UBE2E2: variants seen among roughly 807,000 people sequenced by gnomAD.
The protein encoded by UBE2E2 is ubiquitin conjugating enzyme E2 E2, also known as ubiquitin-conjugating enzyme E2 E2.
In UBE2E2, 6 loss-of-function variants were observed where a neutral mutation model predicts 24.7. The ratio of observed to expected loss-of-function variants is 0.24; its 90% CI spans 0.13 to 0.48. The LOEUF (loss-of-function observed/expected upper bound fraction) is 0.48. Ranked by LOEUF, UBE2E2 falls within the 20% of genes least tolerant of loss-of-function variation. The pLI is 0.99. For synonymous variants in UBE2E2, 104 were observed against 83.6 expected, an observed-to-expected ratio of 1.24 and a Z score of -1.33; for missense variants, 169 against 245.0, an observed-to-expected ratio of 0.69 and a Z score of 2.07.
intron 3 of UBE2E2, among the ~76,000 whole-genome samples, chr3:23,466,678 C>T (rs532514618): frequency 4.6e-4 from 70 of 152,224 alleles, no homozygotes; most frequent in Non-Finnish European, 8.4e-4. Context: ...AGCGATTCTC[C>T]TGCCTCAGCC....
chr3:23,531,546 G>A (rs1695123169), intron 4 of UBE2E2, among the ~76,000 whole-genome samples: 1 of 152,166 alleles, frequency 6.6e-6, no homozygotes, highest in Non-Finnish European at 1.5e-5. Flanking sequence ...ACAATTACAT[G>A]TAAGCAGCAT....
chr3:23,307,196 T>A (rs911327343), intron 3 of UBE2E2, among the ~76,000 whole-genome samples: 1 of 152,148 alleles, frequency 6.6e-6, no homozygotes, highest in Non-Finnish European at 1.5e-5. Flanking sequence ...TTTTAAAAAA[T>A]ATATACTGTT....
At chr3:23,488,758 A>T (rs1699434159) in intron 3 of UBE2E2, among the ~76,000 whole-genome samples, 1 of 151,734 alleles carries the variant, frequency 6.6e-6, no homozygotes, top group African/African-American at 2.4e-5. Flanking sequence ...ATACATTAAA[A>T]CTCCACAGTT....
chr3:23,357,961 A>G (rs1214911479), intron 3 of UBE2E2, among the ~76,000 whole-genome samples: 1 of 152,132 alleles, frequency 6.6e-6, no homozygotes, highest in Non-Finnish European at 1.5e-5. Context: ...TCAGCCTTCC[A>G]GGTAGCTGGG....
chr3:23,461,239 T>G (rs1698798869), intron 3 of UBE2E2, among the ~76,000 whole-genome samples: 1 of 152,146 alleles, frequency 6.6e-6, no homozygotes, highest in Admixed American at 6.5e-5. Context: ...AAATAACTAG[T>G]CATAGTACTT....
At chr3:23,462,767 A>G (rs993962632) in intron 3 of UBE2E2, among the ~76,000 whole-genome samples, 1 of 152,142 alleles carries the variant, frequency 6.6e-6, no homozygotes, top group African/African-American at 2.4e-5. Flanking sequence ...ATGATCCTCC[A>G]CATCTGATAG....
intron 3 of UBE2E2, among the ~76,000 whole-genome samples, chr3:23,331,485 A>G (rs1434797513): frequency 4.0e-5 from 6 of 150,602 alleles, no homozygotes; most frequent in Non-Finnish European, 8.8e-5. Context: ...GCAGAGAGAT[A>G]GCTGTCAATG....
At chr3:23,252,466 G>A (rs1303132789) in intron 3 of UBE2E2, among the ~76,000 whole-genome samples, 2 of 152,088 alleles carry the variant, frequency 1.3e-5, no homozygotes, top group African/African-American at 4.8e-5. Flanking sequence ...AAATTGGTTT[G>A]CCAGTAAAAC....
rs115494056 is a variant in UBE2E2 at position 23,362,634 on chromosome 3, C to T, written c.228-136974C>T. ...GCAGGGTGGGCCACCCTACCCACCC[C>T]TGCCACAGGTAGCCAGGCAAGCAAT... On this transcript the variant is annotated intron_variant, in intron 3 of 5. Transcript: ENST00000396703. Among the ~76,000 whole-genome samples the T allele has an allele frequency of 6.2e-3, 947 of 152,246 alleles. 14 individuals carry two copies. The highest frequency in any genetic ancestry group is 0.021 in the African/African-American group (874 of 41,556).
intron 3 of UBE2E2, among the ~76,000 whole-genome samples, chr3:23,300,759 G>A (rs1204299877): frequency 2.6e-5 from 4 of 151,928 alleles, no homozygotes; most frequent in Non-Finnish European, 5.9e-5. Flanking sequence ...ACAATTATGT[G>A]TCTTGGAGTT....
chr3:23,263,940 CTAAGT>C (rs1266209391), intron 3 of UBE2E2, among the ~76,000 whole-genome samples: 1 of 152,286 alleles, frequency 6.6e-6, no homozygotes, highest in African/African-American at 2.4e-5. Flanking sequence ...ACAACTCAGA[CTAAGT>C]TTTTTTGTAC....
chr3:23,461,286 A>G (rs1698799790), intron 3 of UBE2E2, among the ~76,000 whole-genome samples: 1 of 152,158 alleles, frequency 6.6e-6, no homozygotes, highest in Non-Finnish European at 1.5e-5. Flanking sequence ...TATTAACACC[A>G]TGTGTGGTGC....
chr3:23,513,866 T>C (rs912776606), intron 4 of UBE2E2, among the ~76,000 whole-genome samples: 1 of 152,232 alleles, frequency 6.6e-6, no homozygotes, highest in African/African-American at 2.4e-5. Flanking sequence ...CTTTTTCTTA[T>C]TGAAAGAGTG....
chr3:23,452,596 A>T (rs1559387895), intron 3 of UBE2E2, among the ~76,000 whole-genome samples: 1 of 152,208 alleles, frequency 6.6e-6, no homozygotes, highest in Non-Finnish European at 1.5e-5. Context: ...CTGTAACTTG[A>T]TCCTAGTTAT....
rs541145246 is a variant in UBE2E2 at position 23,375,281 on chromosome 3, G to T, written c.228-124327G>T. On this transcript the variant is annotated intron_variant, in intron 3 of 5. Coordinates refer to ENST00000396703, the MANE Select transcript of UBE2E2 (RefSeq NM_152653.4). ...CATGGGAATCAAACTCTGGAAAATT[G>T]ATTTGTGCTAACCAAACTCACAAGA... 2.2e-4 allele frequency among the ~76,000 whole-genome samples: 33 copies of T among 152,238 alleles called. No homozygotes were observed. The East Asian group carries it at 5.4e-3, about 25-fold the overall frequency.
At chr3:23,423,219 G>A (rs1025048858) in intron 3 of UBE2E2, among the ~76,000 whole-genome samples, 1 of 152,170 alleles carries the variant, frequency 6.6e-6, no homozygotes, top group East Asian at 1.9e-4. Context: ...CGCATAAAAC[G>A]GTTTGATAGC....
intron 3 of UBE2E2, among the ~76,000 whole-genome samples, chr3:23,365,626 T>C (rs1355974916): frequency 6.6e-6 from 1 of 152,082 alleles, no homozygotes; most frequent in Non-Finnish European, 1.5e-5. Context: ...GTGACACAAA[T>C]GGAAGAACAT....
Position 23,203,451 on chromosome 3 carries a change from C to G in UBE2E2, c.-22C>G. ...GGCTCGAGCCTGCGACCTGCACGGACACCCCCCCCTCAGGTATTCGCTCGG... is the reference window on the plus strand; with the variant it reads ...GGCTCGAGCCTGCGACCTGCACGGAGACCCCCCCCTCAGGTATTCGCTCGG... On this transcript the variant is annotated 5_prime_UTR_variant, in exon 1 of 6. Transcript: ENST00000396703. 1 of 871,550 alleles carries G rather than the reference C, an allele frequency of 1.1e-6. No homozygotes were observed. Among genetic ancestry groups the G allele is most frequent in the Non-Finnish European group, 1.3e-6 (1 of 782,884 alleles). 54.0% of individuals were successfully genotyped at this position (871,550 alleles called of 1,614,324 possible).
chr3:23,477,980 C>T (rs1404159791), intron 3 of UBE2E2, among the ~76,000 whole-genome samples: 1 of 152,214 alleles, frequency 6.6e-6, no homozygotes, highest in African/African-American at 2.4e-5. Flanking sequence ...TCCACTTCTG[C>T]CATGATTGTC....
Sources: gnomAD v4.1 joint callset for allele counts (sites outside exome capture counted in the v4.1 genomes callset) on GRCh38, gnomAD v4.1.1 for gene constraint, MANE v1.5 for transcripts, NCBI Gene and HGNC (gene_info 2026-07-23, HGNC 2026-07-21) for gene names.